The following DCAF1 variants were observed in gnomAD, a reference collection of about 807,000 sequenced individuals.
DCAF1 encodes the protein DDB1- and CUL4-associated factor 1.
DCAF1 carries 15 observed loss-of-function variants against 128.0 expected under a neutral mutation model. The ratio of observed to expected loss-of-function variants is 0.12; its 90% confidence interval spans 0.08 to 0.18. DCAF1 has a LOEUF of 0.18. Ranked by LOEUF, DCAF1 falls within the 10% of genes least tolerant of loss-of-function variation. The pLI, the probability that DCAF1 is intolerant of heterozygous loss-of-function variation, is 1.00. For missense variants in DCAF1, 988 were observed against 1,649.5 expected (o/e 0.60, Z 6.95); for synonymous variants, 610 against 603.0 (o/e 1.01, Z -0.17).
intron 9 of DCAF1, chr3:51,437,239 G>A (rs1004027332): frequency 8.3e-6 from 3 of 362,454 alleles, no homozygotes; most frequent in Non-Finnish European, 1.5e-5. Flanking sequence ...CTGCACTCCA[G>A]CCCAGGTGAC....
At chr3:51,489,929 A>C (rs1707439362) in intron 2 of DCAF1, among the ~76,000 whole-genome samples, 1 of 152,136 alleles carries the variant, frequency 6.6e-6, no homozygotes, top group South Asian at 2.1e-4. Context: ...TGTATACAGA[A>C]AATCCTAAAG....
chr3:51,489,540 G>T (rs897181561), intron 2 of DCAF1, among the ~76,000 whole-genome samples: 1 of 152,040 alleles, frequency 6.6e-6, no homozygotes, highest in Non-Finnish European at 1.5e-5. Context: ...TGTAATTTCA[G>T]AACTTTGGGA....
At chr3:51,491,666 G>A (rs1553658006) in intron 2 of DCAF1, among the ~76,000 whole-genome samples, 7 of 152,126 alleles carry the variant, frequency 4.6e-5, no homozygotes, top group Admixed American at 4.6e-4. Flanking sequence ...GGCCAACATT[G>A]TGAAACCCCA....
chr3:51,474,665 T>C (rs1251525954), intron 3 of DCAF1, among the ~76,000 whole-genome samples: 1 of 151,746 alleles, frequency 6.6e-6, no homozygotes, highest in Non-Finnish European at 1.5e-5. Flanking sequence ...CAGGCTGGAC[T>C]GCAGTGGCGC....
intron 13 of DCAF1, among the ~76,000 whole-genome samples, chr3:51,425,343 G>A (rs1442220586): frequency 3.3e-5 from 5 of 151,930 alleles, no homozygotes; most frequent in African/African-American, 9.6e-5. Flanking sequence ...TTGGTGGTGC[G>A]TGTCTGTAAT....
chr3:51,403,270 T>C lies in DCAF1; in HGVS notation c.4338A>G (p.Ala1446=). ...AGAAGTCATTGTCCCCATCTTCCCC[T>C]GCGTTCTCATTATTGTCGTCCTCCT... ...ELEEDDNNEN[A]GEDGDNDFSP... The change falls in exon 24 of 25, where the codon GCA becomes GCG. Residue 1446 remains alanine, a synonymous_variant. Coordinates refer to ENST00000684031, the MANE Select transcript of DCAF1 (RefSeq NM_001387579.1). 1 of 1,611,190 alleles carries C rather than the reference T, an allele frequency of 6.2e-7. No homozygotes were observed. Among genetic ancestry groups the C allele is most frequent in the Non-Finnish European group, 8.5e-7 (1 of 1,178,744 alleles).
intron 2 of DCAF1, among the ~76,000 whole-genome samples, chr3:51,484,109 A>G (rs1320983616): frequency 6.6e-6 from 1 of 152,162 alleles, no homozygotes; most frequent in Non-Finnish European, 1.5e-5. Context: ...GGATCAAAAC[A>G]GTGATTCTTA....
intron 4 of DCAF1, among the ~76,000 whole-genome samples, chr3:51,469,619 C>T (rs978584478): frequency 2.6e-5 from 4 of 152,136 alleles, no homozygotes; most frequent in Admixed American, 6.6e-5. Flanking sequence ...GCTTTGCCCA[C>T]TGGTGATCTA....
At chr3:51,461,451 T>A (rs1553644502) in intron 6 of DCAF1, among the ~76,000 whole-genome samples, 2 of 152,136 alleles carry the variant, frequency 1.3e-5, no homozygotes, top group Admixed American at 1.3e-4. Context: ...GGAACACTTT[T>A]ACACTGTTGG....
chr3:51,498,400 C>T (rs1708481256), intron 1 of DCAF1, among the ~76,000 whole-genome samples: 1 of 149,478 alleles, frequency 6.7e-6, no homozygotes, highest in Admixed American at 6.7e-5. Flanking sequence ...AAAGAGTTAT[C>T]ACACCACTGC....
At chr3:51,440,723 T>C (rs1300172719) in intron 9 of DCAF1, among the ~76,000 whole-genome samples, 3 of 152,128 alleles carry the variant, frequency 2.0e-5, no homozygotes, top group Non-Finnish European at 2.9e-5. Flanking sequence ...CTGGCTAACA[T>C]GGTGAAACCC....
intron 7 of DCAF1, 116 bp from the exon 8 acceptor site, chr3:51,442,013 G>T: frequency 7.4e-7 from 1 of 1,350,094 alleles, no homozygotes; most frequent in Non-Finnish European, 9.9e-7. Flanking sequence ...CCCAACGCCT[G>T]TAATAGCAAC....
intron 2 of DCAF1, among the ~76,000 whole-genome samples, chr3:51,484,221 C>T (rs1553654269): frequency 6.6e-6 from 1 of 152,052 alleles, no homozygotes; most frequent in African/African-American, 2.4e-5. Flanking sequence ...ACCTGTAATC[C>T]CAGCACTTTG....
chr3:51,439,059 G>C (rs1465358262), intron 9 of DCAF1, among the ~76,000 whole-genome samples: 1 of 152,170 alleles, frequency 6.6e-6, no homozygotes, highest in African/African-American at 2.4e-5. Flanking sequence ...TGAATTAAGT[G>C]TGGACCTTGT....
upstream of DCAF1, among the ~76,000 whole-genome samples, chr3:51,504,272 G>A (rs553757129): frequency 4.0e-5 from 6 of 151,618 alleles, no homozygotes; most frequent in Admixed American, 1.3e-4. Context: ...TCCTGACCCC[G>A]TGATCCGCCC....
chr3:51,476,572 CAAAAAAAAA>C (rs11359977), intron 3 of DCAF1, among the ~76,000 whole-genome samples: 1 of 49,636 alleles, frequency 2.0e-5, no homozygotes, highest in Non-Finnish European at 3.6e-5. Flanking sequence ...AATTATATCT[CAAAAAAAAA>C]AAAAAAAAAA....
At chr3:51,416,741 C>T (rs1698915174) in intron 18 of DCAF1, 46 bp downstream of exon 18, 1 of 1,571,346 alleles carries the variant, frequency 6.4e-7, no homozygotes, top group Non-Finnish European at 8.6e-7. Flanking sequence ...TCAGTATGAA[C>T]AAATGGGTAT....
downstream of DCAF1, chr3:51,396,706 G>C (rs2089228522): frequency 6.0e-6 from 1 of 167,120 alleles, no homozygotes; most frequent in South Asian, 2.1e-4. Context: ...TGTTCCTAAG[G>C]TGTGTTGTCA....
intron 5 of DCAF1, 22 bp from the exon 6 acceptor site, chr3:51,463,249 A>G: frequency 1.4e-6 from 2 of 1,476,332 alleles, no homozygotes; most frequent in East Asian, 2.4e-5. Flanking sequence ...AAAAAGAAAT[A>G]CTGTTCATCT....
Sources: gnomAD v4.1 joint callset for allele counts (sites outside exome capture counted in the v4.1 genomes callset) on GRCh38, gnomAD v4.1.1 for gene constraint, MANE v1.5 for transcripts, NCBI Gene and HGNC (gene_info 2026-07-23, HGNC 2026-07-21) for gene names.